The following EIF5B variants were observed in gnomAD, a reference collection of about 807,000 sequenced individuals.
EIF5B encodes eukaryotic translation initiation factor 5B, also known as eIF-5B.
A neutral mutation model predicts 147.5 loss-of-function variants in EIF5B; 47 were observed. That is an observed-to-expected ratio of 0.32 (90% CI 0.25 to 0.41). The LOEUF is 0.41. EIF5B is among the 10% of genes least tolerant of loss of function. EIF5B has a pLI of 1.00. For missense variants in EIF5B, 1,064 were observed against 1,413.2 expected (o/e 0.75, Z 3.96); for synonymous variants, 455 against 456.2 (o/e 1.00, Z 0.03).
At chr2:99,392,472 T>C (rs1388163784) in intron 17 of EIF5B, among the ~76,000 whole-genome samples, 1 of 152,232 alleles carries the variant, frequency 6.6e-6, no homozygotes. Context: ...TAACAAATTA[T>C]ATTCTCAACT....
chr2:99,369,073 G>T (rs1436824939), intron 7 of EIF5B, among the ~76,000 whole-genome samples: 3 of 152,188 alleles, frequency 2.0e-5, no homozygotes, highest in Admixed American at 1.3e-4. Flanking sequence ...AGGAGTCCAA[G>T]ACCAGCCTGG....
chr2:99,374,550 C>G (rs1674525298), intron 9 of EIF5B, among the ~76,000 whole-genome samples: 1 of 151,930 alleles, frequency 6.6e-6, no homozygotes. Flanking sequence ...CTAAAAACAT[C>G]TTTATTGCAT....
intron 1 of EIF5B, among the ~76,000 whole-genome samples, chr2:99,359,226 G>A (rs1333012466): frequency 2.0e-5 from 3 of 150,518 alleles, no homozygotes; most frequent in Non-Finnish European, 3.0e-5. Context: ...AAAATGAACC[G>A]GGCATGGTGG....
chr2:99,356,314 T>C (rs1329808538), intron 1 of EIF5B, among the ~76,000 whole-genome samples: 1 of 152,152 alleles, frequency 6.6e-6, no homozygotes, highest in Non-Finnish European at 1.5e-5. Context: ...TTGTACTCTT[T>C]GGAATGAAAT....
rs761101395 is a variant in EIF5B, at chr2:99,382,179, G to A, written c.2082G>A (p.Arg694=). The A allele has an allele frequency of 6.2e-7, 1 of 1,613,022 alleles. No homozygotes were observed. Among genetic ancestry groups the A allele is most frequent in the South Asian group, 1.1e-5 (1 of 90,996 alleles). Reference sequence around the variant, plus strand: ...TCTAGTTTGATAGAGAGAATGTACGGATTCCAGGAATGCTAATTATTGATA... The same window carrying A: ...TCTAGTTTGATAGAGAGAATGTACGAATTCCAGGAATGCTAATTATTGATA... ...MIKNFDRENV[R]IPGMLIIDTP... is the part of the protein sequence containing the mutation. The change falls in exon 13 of 24, where the codon CGG becomes CGA. Residue 694 remains arginine, a synonymous_variant. Transcript: ENST00000289371.
chr2:99,364,443 C>A, intron 6 of EIF5B, 22 bp downstream of exon 6: 4 of 1,562,864 alleles, frequency 2.6e-6, no homozygotes, highest in Non-Finnish European at 2.6e-6. Flanking sequence ...TCTTCATTAA[C>A]TGAATGGTCA....
chr2:99,388,246 GT>G (rs995037883), intron 14 of EIF5B, among the ~76,000 whole-genome samples: 40 of 152,100 alleles, frequency 2.6e-4, no homozygotes, highest in African/African-American at 7.2e-4. Context: ...ATGCAGTTAT[GT>G]TTTTTTCCCC....
At chr2:99,338,202 G>A in intron 1 of EIF5B, 1 of 697,080 alleles carries the variant, frequency 1.4e-6, no homozygotes, top group Non-Finnish European at 2.2e-6. Flanking sequence ...TTGCTCTCTA[G>A]CCTTCCCCTA....
At chr2:99,344,826 A>G (rs916517249) in intron 1 of EIF5B, among the ~76,000 whole-genome samples, 4 of 152,194 alleles carry the variant, frequency 2.6e-5, no homozygotes, top group Non-Finnish European at 4.4e-5. Flanking sequence ...ATGAACAAAC[A>G]TGTGTCCATC....
At chr2:99,354,773 T>G (rs1004435447) in intron 1 of EIF5B, among the ~76,000 whole-genome samples, 5 of 151,126 alleles carry the variant, frequency 3.3e-5, no homozygotes, top group African/African-American at 1.2e-4. Context: ...TTTTGCACCT[T>G]TGTCAAAAAT....
intron 14 of EIF5B, among the ~76,000 whole-genome samples, chr2:99,386,294 C>G (rs1674804629): frequency 6.6e-6 from 1 of 152,104 alleles, no homozygotes; most frequent in Admixed American, 6.5e-5. Context: ...ATATCTGTTT[C>G]TTTGAAAAAT....
At chr2:99,350,341 G>GT (rs1048131852) in intron 1 of EIF5B, among the ~76,000 whole-genome samples, 15 of 152,000 alleles carry the variant, frequency 9.9e-5, no homozygotes, top group African/African-American at 3.6e-4. Context: ...TGATAGTTCT[G>GT]TTTTTTTGAG....
chr2:99,382,313 T>C, intron 13 of EIF5B, 87 bp downstream of exon 13: 1 of 1,127,334 alleles, frequency 8.9e-7, no homozygotes, highest in Non-Finnish European at 1.3e-6. Flanking sequence ...AACCTTTGAG[T>C]AGTAATTTGA....
intron 8 of EIF5B, among the ~76,000 whole-genome samples, chr2:99,369,986 C>CA (rs959149817): frequency 1.4e-4 from 21 of 149,022 alleles, no homozygotes; most frequent in Admixed American, 4.7e-4. Flanking sequence ...CAGTCCATCT[C>CA]AAAAAAAAAG....
chr2:99,381,546 T>TGC (rs1362727698), intron 12 of EIF5B, among the ~76,000 whole-genome samples: 1 of 151,744 alleles, frequency 6.6e-6, no homozygotes, highest in East Asian at 1.9e-4. Flanking sequence ...TGTGTGTGTG[T>TGC]GTGTGTGAAA....
chr2:99,339,250 T>C (rs1046772836), intron 1 of EIF5B, among the ~76,000 whole-genome samples: 4 of 151,750 alleles, frequency 2.6e-5, no homozygotes, highest in African/African-American at 4.8e-5. Context: ...CGACCTCAGG[T>C]GATCCGCCCG....
intron 14 of EIF5B, among the ~76,000 whole-genome samples, chr2:99,384,069 C>T (rs1037236789): frequency 8.0e-5 from 12 of 150,752 alleles, no homozygotes; most frequent in African/African-American, 2.9e-4. Context: ...TAGTGGCGGG[C>T]ACCTGTAGTC....
Position 99,337,529 on chromosome 2 carries a change from G to A in EIF5B, c.-26G>A. 18 of 1,610,364 alleles carry A rather than the reference G, an allele frequency of 1.1e-5. 1 individual carries two copies. Among genetic ancestry groups the A allele is most frequent in the Non-Finnish European group, 1.5e-5 (18 of 1,178,308 alleles). ...CTGTGAGAGACCGAATAGAGGGGCT[G>A]GGGCCACGAGCGCCATTGACAAGCA... On this transcript the variant is annotated 5_prime_UTR_variant, in exon 1 of 24. Coordinates refer to ENST00000289371, the MANE Select transcript of EIF5B (RefSeq NM_015904.4).
chr2:99,371,799 G>C lies in EIF5B; in HGVS notation c.1552+69G>C. Reference sequence around the variant, plus strand: ...AGAAATGAATGATATATATTTAAATGAATAGTCTTTTGATTATGAAAGCCA... The same window carrying C: ...AGAAATGAATGATATATATTTAAATCAATAGTCTTTTGATTATGAAAGCCA... On this transcript the variant is annotated intron_variant, in intron 9 of 23. Coordinates refer to ENST00000289371, the MANE Select transcript of EIF5B (RefSeq NM_015904.4). 3.6e-6 allele frequency: 5 copies of C among 1,386,112 alleles called. No individual in the cohort carries two copies. In the South Asian group the frequency reaches 7.4e-5, roughly 21 times the overall value. The allele number at this position is 1,386,112 out of a possible 1,614,324, so 85.9% of individuals were successfully genotyped here. A position where few individuals can be genotyped will look rare whatever the true frequency, so the allele number is the denominator to read the frequency against.
Sources: allele counts gnomAD v4.1 joint callset (sites outside exome capture counted in the v4.1 genomes callset), GRCh38; gene constraint gnomAD v4.1.1; transcripts MANE v1.5; gene names NCBI Gene and HGNC (gene_info 2026-07-23, HGNC 2026-07-21).